Variants in PPP1R12B observed in about 807,000 individuals in gnomAD.
PPP1R12B encodes the protein protein phosphatase 1 regulatory subunit 12B.
In PPP1R12B, 76 loss-of-function variants were observed where a neutral mutation model predicts 126.1. That is an observed-to-expected ratio of 0.60 (90% CI 0.50 to 0.73). The LOEUF (loss-of-function observed/expected upper bound fraction) is 0.73, where lower values mean the gene tolerates loss of function less well. Among genes scored for constraint, PPP1R12B ranks in the 30% least tolerant of loss-of-function variants. The pLI is 0.00. For missense variants in PPP1R12B, 1,052 were observed against 1,205.1 expected, an observed-to-expected ratio of 0.87 and a Z score of 1.88; for synonymous variants, 356 against 434.7, an observed-to-expected ratio of 0.82 and a Z score of 2.25.
At chr1:202,541,841 C>T (rs1685165178) in intron 18 of PPP1R12B, among the ~76,000 whole-genome samples, 2 of 152,200 alleles carry the variant, frequency 1.3e-5, no homozygotes, top group Admixed American at 6.5e-5. Context: ...CACCACCCCT[C>T]ATCCCTGCCT....
intron 1 of PPP1R12B, among the ~76,000 whole-genome samples, chr1:202,399,992 C>T (rs1665591071): frequency 6.6e-6 from 1 of 151,802 alleles, no homozygotes; most frequent in South Asian, 2.1e-4. Flanking sequence ...TCATCCCTAG[C>T]CCCTCTCCCT....
chr1:202,526,509 G>A (rs1399624012), intron 18 of PPP1R12B, among the ~76,000 whole-genome samples: 1 of 152,126 alleles, frequency 6.6e-6, no homozygotes, highest in Non-Finnish European at 1.5e-5. Flanking sequence ...GGAGTAGGCA[G>A]AAAATTGGAT....
At chr1:202,511,276 G>A (rs566111258) in intron 18 of PPP1R12B, among the ~76,000 whole-genome samples, 6 of 151,334 alleles carry the variant, frequency 4.0e-5, no homozygotes, top group African/African-American at 1.5e-4. Flanking sequence ...GAGTGCAGTG[G>A]CGCAATCTCA....
Position 202,495,417 on chromosome 1 carries a change from T to G in PPP1R12B, c.2270T>G (p.Val757Gly). Reference protein sequence around the residue: ...SHLLWTNRFSVPDSESSETTT... With the variant: ...SHLLWTNRFSGPDSESSETTT... The stretch of plus-strand genomic sequence containing the variant: ...CTGCTATGGACAAATAGATTTTCAG[T>G]CCCTGATTCTGAGAGTTCAGAGACT... Residue 757 changes from valine to glycine, a missense_variant, in exon 16 of 24, where the codon GTC (valine) becomes GGC (glycine). By Grantham distance (109) the Val-to-Gly change is moderately radical. Transcript: ENST00000608999. 1.9e-6 allele frequency: 3 copies of G among 1,611,496 alleles called. No homozygotes were observed. The highest frequency in any genetic ancestry group is 2.5e-6 in the Non-Finnish European group (3 of 1,178,566).
chr1:202,383,358 ATAT>A (rs1479248384), intron 1 of PPP1R12B, among the ~76,000 whole-genome samples: 1 of 152,208 alleles, frequency 6.6e-6, no homozygotes, highest in East Asian at 1.9e-4. Context: ...ATATTTTATA[ATAT>A]TGTCTTACAT....
chr1:202,549,861 T>A (rs918358582), intron 18 of PPP1R12B, among the ~76,000 whole-genome samples: 8 of 152,148 alleles, frequency 5.3e-5, no homozygotes, highest in Non-Finnish European at 1.0e-4. Context: ...GCTGGGCACA[T>A]ACAGGTGCTT....
intron 19 of PPP1R12B, among the ~76,000 whole-genome samples, chr1:202,559,406 G>A (rs1018487171): frequency 1.7e-4 from 26 of 152,164 alleles, no homozygotes; most frequent in Admixed American, 1.4e-3. Context: ...ATACCTAGAT[G>A]ATGCTCCTTA....
At chr1:202,401,911 C>A (rs1207793476) in intron 1 of PPP1R12B, among the ~76,000 whole-genome samples, 3 of 152,032 alleles carry the variant, frequency 2.0e-5, no homozygotes, top group Non-Finnish European at 4.4e-5. Flanking sequence ...AGCAAGGTAA[C>A]ACACACTCTT....
intron 22 of PPP1R12B, 105 bp from the exon 23 acceptor site, chr1:202,569,042 C>A: frequency 1.5e-6 from 2 of 1,298,512 alleles, no homozygotes; most frequent in Non-Finnish European, 2.2e-6. Context: ...AGTCAGCAGA[C>A]AAACCTTTGA....
rs1690153541 is a variant in PPP1R12B at position 202,592,401 on chromosome 1, G to A, written c.*11841G>A. 6.6e-6 allele frequency: 1 copy of A among 152,642 alleles called. No homozygotes were observed. Among genetic ancestry groups the A allele is most frequent in the African/African-American group, 2.4e-5 (1 of 41,466 alleles). 9.5% of individuals were successfully genotyped at this position (152,642 alleles called of 1,614,324 possible). ...GGGTTTCCCGATGGGAGGAGGCAGGGGTGGGGCTGGGGAACAAAGACTTTA... is the reference window on the plus strand; with the variant it reads ...GGGTTTCCCGATGGGAGGAGGCAGGAGTGGGGCTGGGGAACAAAGACTTTA... On this transcript the variant is annotated 3_prime_UTR_variant, in exon 24 of 24. Transcript: ENST00000608999.
At chr1:202,492,797 A>G (rs145207581) in intron 14 of PPP1R12B, among the ~76,000 whole-genome samples, 4 of 152,294 alleles carry the variant, frequency 2.6e-5, no homozygotes, top group South Asian at 4.1e-4. Flanking sequence ...CCTTTCAAAT[A>G]AAGATACTGA....
At chr1:202,471,721 T>C in intron 13 of PPP1R12B, 1 of 529,364 alleles carries the variant, frequency 1.9e-6, no homozygotes, top group Non-Finnish European at 3.2e-6. Flanking sequence ...TCCTTTTTTG[T>C]GAATTCCTGA....
At chr1:202,489,956 T>C (rs1301971063) in intron 14 of PPP1R12B, among the ~76,000 whole-genome samples, 2 of 152,132 alleles carry the variant, frequency 1.3e-5, no homozygotes, top group Non-Finnish European at 2.9e-5. Context: ...CTGCAGATAA[T>C]TGATGGGAAT....
Position 202,390,043 on chromosome 1 carries a change from A to G in PPP1R12B, c.292-26744A>G, listed in dbSNP as rs538089948. 4.6e-5 allele frequency among the ~76,000 whole-genome samples: 7 copies of G among 152,318 alleles called. No homozygotes were observed. In the South Asian group the frequency reaches 1.2e-3, roughly 27 times the overall value. ...ACACTTCCTGATTTTAAAACTTACT[A>G]CAAAGCAATGGTAACCAAGACAGTG... On this transcript the variant is annotated intron_variant, in intron 1 of 23. Coordinates refer to ENST00000608999, the MANE Select transcript of PPP1R12B (RefSeq NM_002481.4).
intron 18 of PPP1R12B, among the ~76,000 whole-genome samples, chr1:202,545,916 C>G (rs949312834): frequency 6.6e-6 from 1 of 152,148 alleles, no homozygotes; most frequent in African/African-American, 2.4e-5. Flanking sequence ...AGAGAGGAGG[C>G]TTAGCAAACC....
intron 18 of PPP1R12B, among the ~76,000 whole-genome samples, chr1:202,553,178 T>A (rs1171893876): frequency 6.6e-6 from 1 of 152,254 alleles, no homozygotes; most frequent in African/African-American, 2.4e-5. Context: ...CTATGGTCTA[T>A]CCAGCTAATC....
intron 1 of PPP1R12B, among the ~76,000 whole-genome samples, chr1:202,414,895 A>G (rs547340461): frequency 6.6e-6 from 1 of 151,952 alleles, no homozygotes; most frequent in African/African-American, 2.4e-5. Flanking sequence ...CCATCCTCCC[A>G]CCTTAGCCTC....
chr1:202,435,008 G>A (rs1344047639), intron 9 of PPP1R12B, among the ~76,000 whole-genome samples: 2 of 152,074 alleles, frequency 1.3e-5, no homozygotes, highest in Non-Finnish European at 2.9e-5. Context: ...CCTGGTGAGG[G>A]CCCTCTTTCT....
intron 13 of PPP1R12B, among the ~76,000 whole-genome samples, chr1:202,484,321 T>TA (rs1206436011): frequency 1.3e-5 from 2 of 152,224 alleles, no homozygotes; most frequent in Non-Finnish European, 2.9e-5. Context: ...GGGCTAACAT[T>TA]AAAAGTCTTA....
Sources: gnomAD v4.1 joint callset for allele counts (sites outside exome capture counted in the v4.1 genomes callset) on GRCh38, gnomAD v4.1.1 for gene constraint, MANE v1.5 for transcripts, NCBI Gene and HGNC (gene_info 2026-07-23, HGNC 2026-07-21) for gene names.